The following ADD2 variants were observed in gnomAD, a reference collection of about 807,000 sequenced individuals.
ADD2 encodes the protein beta-adducin.
A neutral mutation model predicts 83.0 loss-of-function variants in ADD2; 23 were observed. That is an observed-to-expected ratio of 0.28 (90% confidence interval 0.20 to 0.39). The LOEUF (loss-of-function observed/expected upper bound fraction) is 0.39, where lower values mean the gene tolerates loss of function less well. ADD2 is among the 10% of genes least tolerant of loss of function. ADD2 has a pLI of 1.00. For synonymous variants in ADD2, 375 were observed against 375.4 expected, an observed-to-expected ratio of 1.00 and a Z score of 0.01; for missense variants, 758 against 944.9, an observed-to-expected ratio of 0.80 and a Z score of 2.59.
At chr2:70,747,041 G>A (rs774667274) in intron 1 of ADD2, among the ~76,000 whole-genome samples, 7 of 128,284 alleles carry the variant, frequency 5.5e-5, no homozygotes, top group South Asian at 2.3e-4. Context: ...ACAGAGTCTC[G>A]CTCTGTCGCC....
chr2:70,690,947 A>C lies in ADD2; in HGVS notation c.706-18T>G, dbSNP rs781787751. 1 of 1,605,050 alleles carries C rather than the reference A, an allele frequency of 6.2e-7. No homozygotes were observed. Among genetic ancestry groups the C allele is most frequent in the Non-Finnish European group, 8.5e-7 (1 of 1,175,862 alleles). ...GCCGACACCTTAGAGAGACAATGGC[A>C]TGGTTAGCACCTGCAGCCCTCCCTG... On this transcript the variant is annotated intron_variant, in intron 7 of 15. Transcript: ENST00000264436.
rs994239562 is a variant in ADD2 at position 70,768,198 on chromosome 2, G to T, written c.-466C>A. ...TTCCCGCACGAGGCTGGGAGGAAAT[G>T]AGAGCTCTCCTGGCCCTGCGCGCTG... On this transcript the variant is annotated 5_prime_UTR_variant, in exon 1 of 16. Transcript: ENST00000264436. 32 of 576,514 alleles carry T rather than the reference G, an allele frequency of 5.6e-5. No homozygotes were observed. The African/African-American group carries it at 5.7e-4, about 10-fold the overall frequency. 35.7% of individuals were successfully genotyped at this position (576,514 alleles called of 1,614,324 possible). A position where few individuals can be genotyped will look rare whatever the true frequency, so the allele number is the denominator to read the frequency against.
At chr2:70,735,525 G>A (rs1363137382) in intron 1 of ADD2, among the ~76,000 whole-genome samples, 3 of 151,588 alleles carry the variant, frequency 2.0e-5, no homozygotes, top group African/African-American at 4.9e-5. Flanking sequence ...CTCAAACCTC[G>A]ACCTCCACAC....
intron 1 of ADD2, among the ~76,000 whole-genome samples, chr2:70,752,774 AT>A (rs1160627220): frequency 3.3e-5 from 5 of 152,326 alleles, no homozygotes; most frequent in African/African-American, 9.6e-5. Context: ...AAGCAGTTGG[AT>A]ATACAGGTTT....
intron 4 of ADD2, 58 bp downstream of exon 4, chr2:70,704,263 T>TGGGCCCCCC: frequency 7.7e-6 from 7 of 913,236 alleles, no homozygotes; most frequent in East Asian, 5.9e-5. Context: ...CTCCCTCTCT[T>TGGGCCCCCC]CCCCACCCCA....
At chr2:70,683,554 A>G (rs372246705) in intron 10 of ADD2, 37 bp downstream of exon 10, 21 of 1,584,012 alleles carry the variant, frequency 1.3e-5, no homozygotes, top group Admixed American at 1.7e-5. Context: ...CTAAGCCTCA[A>G]TGGACTGGCC....
In ADD2 at chr2:70,676,212, TAA is replaced by T; in HGVS notation, c.1593+582_1593+583del. The T allele has an allele frequency of 2.0e-6, 2 of 986,212 alleles. No individual in the cohort carries two copies. The highest frequency in any genetic ancestry group is 2.4e-6 in the Non-Finnish European group (2 of 830,502). 61.1% of individuals were successfully genotyped at this position (986,212 alleles called of 1,614,324 possible). On this transcript the variant is annotated intron_variant, in intron 13 of 15. Coordinates refer to ENST00000264436, the MANE Select transcript of ADD2 (RefSeq NM_001617.4). This position sits in a 1 kb window ranked among gnomAD's most constrained non-coding sequence, Gnocchi z 4.8. ...GAATTCTGAACTTCACCCCTTTTGC[TAA>T]GCACTAGACAAAACACTGTTCTATC...
In ADD2 at chr2:70,706,094, C is replaced by T; in HGVS notation, c.183+132G>A. On this transcript the variant is annotated intron_variant, in intron 3 of 15. Transcript: ENST00000264436. The surrounding 1 kb of genome is among the most constrained non-coding windows in gnomAD (Gnocchi z 5.0). The stretch of plus-strand genomic sequence containing the variant: ...CAAGGCCCCAGGTGACCAGATCCGT[C>T]TTGCTCAGTGGGCTTACATTTCTAC... 1.1e-6 allele frequency: 1 copy of T among 945,268 alleles called. No homozygotes were observed. Among genetic ancestry groups the T allele is most frequent in the Non-Finnish European group, 1.6e-6 (1 of 639,768 alleles). 58.6% of individuals were successfully genotyped at this position (945,268 alleles called of 1,614,324 possible).
At chr2:70,717,451 G>T (rs1672529781) in intron 1 of ADD2, among the ~76,000 whole-genome samples, 1 of 152,150 alleles carries the variant, frequency 6.6e-6, no homozygotes, top group Non-Finnish European at 1.5e-5. Flanking sequence ...CCACTTCAGT[G>T]GGGGAGTCTC....
At chr2:70,688,478 C>T (rs1670855955) in intron 8 of ADD2, among the ~76,000 whole-genome samples, 3 of 152,210 alleles carry the variant, frequency 2.0e-5, no homozygotes, top group African/African-American at 7.2e-5. Flanking sequence ...GGTTTTTAGG[C>T]CTTGGAAAGC....
chr2:70,672,814 G>A, intron 15 of ADD2, 64 bp downstream of exon 15: 4 of 1,525,810 alleles, frequency 2.6e-6, no homozygotes, highest in Non-Finnish European at 3.5e-6. Context: ...TGGAAGGCAG[G>A]GCACCTTCCC....
At chr2:70,699,401 T>G (rs1671472947) in intron 4 of ADD2, among the ~76,000 whole-genome samples, 1 of 152,104 alleles carries the variant, frequency 6.6e-6, no homozygotes, top group African/African-American at 2.4e-5. Context: ...TTTGGCGACC[T>G]AAAAAGGAAC....
chr2:70,684,644 C>T (rs782779686), intron 9 of ADD2, among the ~76,000 whole-genome samples: 1 of 152,106 alleles, frequency 6.6e-6, no homozygotes, highest in African/African-American at 2.4e-5. Context: ...TTCACAGGTC[C>T]AAAGGAAAAA....
chr2:70,755,584 C>G (rs971721119), intron 1 of ADD2, among the ~76,000 whole-genome samples: 1 of 152,162 alleles, frequency 6.6e-6, no homozygotes, highest in African/African-American at 2.4e-5. Flanking sequence ...CACTTGTTGA[C>G]TGACTGATGA....
intron 1 of ADD2, among the ~76,000 whole-genome samples, chr2:70,730,669 G>A (rs1488788973): frequency 1.3e-5 from 2 of 152,228 alleles, no homozygotes; most frequent in African/African-American, 4.8e-5. Context: ...AGTGCTCCTG[G>A]AAGAGTTGAT....
Position 70,676,303 on chromosome 2 carries a change from C to T in ADD2, c.1593+493G>A. On this transcript the variant is annotated intron_variant, in intron 13 of 15. Transcript: ENST00000264436. This position sits in a 1 kb window ranked among gnomAD's most constrained non-coding sequence, Gnocchi z 4.8. ...GTGGGTTTGTGTGGGTAATATTGTCCCTTCCCATCCTGTAGGAGCATGGGT... is the reference window on the plus strand; with the variant it reads ...GTGGGTTTGTGTGGGTAATATTGTCTCTTCCCATCCTGTAGGAGCATGGGT... 1.0e-6 allele frequency: 1 copy of T among 1,004,308 alleles called. No homozygotes were observed. Among genetic ancestry groups the T allele is most frequent in the Non-Finnish European group, 1.2e-6 (1 of 842,808 alleles). 62.2% of individuals were successfully genotyped at this position (1,004,308 alleles called of 1,614,324 possible).
intron 10 of ADD2, among the ~76,000 whole-genome samples, chr2:70,680,381 T>C (rs1161244331): frequency 2.6e-5 from 4 of 152,250 alleles, no homozygotes; most frequent in Non-Finnish European, 1.5e-5. Context: ...GTTGCATTGT[T>C]TTGCACATCC....
At chr2:70,736,238 G>C (rs533043108) in intron 1 of ADD2, among the ~76,000 whole-genome samples, 4 of 152,308 alleles carry the variant, frequency 2.6e-5, no homozygotes, top group East Asian at 1.9e-4. Context: ...ATAAAGGAGA[G>C]AGTCAAAGAG....
intron 1 of ADD2, among the ~76,000 whole-genome samples, chr2:70,740,128 A>G (rs1031693594): frequency 6.6e-6 from 1 of 152,238 alleles, no homozygotes; most frequent in East Asian, 1.9e-4. Flanking sequence ...AGAGACAATA[A>G]AAGTTAAGGT....
Sources: gnomAD v4.1 joint callset for allele counts (sites outside exome capture counted in the v4.1 genomes callset) on GRCh38, gnomAD v4.1.1 for gene constraint, Gnocchi (gnomAD v3.1) non-coding constraint, MANE v1.5 for transcripts, NCBI Gene and HGNC (gene_info 2026-07-23, HGNC 2026-07-21) for gene names.